The following LRP1B variants were observed in gnomAD, a reference collection of about 807,000 sequenced individuals.
LRP1B encodes the protein low-density lipoprotein receptor-related protein 1B.
LRP1B carries 217 observed loss-of-function variants against 556.6 expected under a neutral mutation model. That is an observed-to-expected ratio of 0.39 (90% CI 0.35 to 0.44). The LOEUF is 0.44. Among genes scored for constraint, LRP1B ranks in the 20% least tolerant of loss-of-function variants. The pLI is 1.00. For synonymous variants in LRP1B, 2,047 were observed against 1,865.8 expected (o/e 1.10, Z -2.50); for missense variants, 5,053 against 5,620.8 (o/e 0.90, Z 3.23).
chr2:141,634,758 A>G (rs1019552160), intron 2 of LRP1B, among the ~76,000 whole-genome samples: 1 of 151,988 alleles, frequency 6.6e-6, no homozygotes, highest in African/African-American at 2.4e-5. Context: ...TTTTTAGACT[A>G]TTGACAGGAT....
intron 37 of LRP1B, among the ~76,000 whole-genome samples, chr2:140,709,429 G>A (rs1156951504): frequency 6.6e-6 from 1 of 150,744 alleles, no homozygotes; most frequent in Non-Finnish European, 1.5e-5. Flanking sequence ...CGGAAGAGGA[G>A]GAGGGGGAGG....
chr2:141,485,756 A>C (rs1439007387), intron 2 of LRP1B, among the ~76,000 whole-genome samples: 1 of 152,168 alleles, frequency 6.6e-6, no homozygotes, highest in Non-Finnish European at 1.5e-5. Context: ...CCAGGGTGAG[A>C]AGCATGGGAT....
At chr2:140,766,054 C>T (rs1264703293) in intron 35 of LRP1B, among the ~76,000 whole-genome samples, 1 of 151,870 alleles carries the variant, frequency 6.6e-6, no homozygotes, top group Non-Finnish European at 1.5e-5. Flanking sequence ...CAACTGTGCC[C>T]TTCCATTTGG....
chr2:141,175,370 C>T (rs1680689943), intron 7 of LRP1B, among the ~76,000 whole-genome samples: 1 of 152,064 alleles, frequency 6.6e-6, no homozygotes, highest in Non-Finnish European at 1.5e-5. Flanking sequence ...GTGGTTCCAC[C>T]CAGAGCCCTG....
chr2:140,890,524 G>A (rs899915556), intron 23 of LRP1B, among the ~76,000 whole-genome samples: 1 of 151,964 alleles, frequency 6.6e-6, no homozygotes, highest in African/African-American at 2.4e-5. Flanking sequence ...TTTATGTTGA[G>A]AAAACATTTG....
At chr2:140,600,314 G>C (rs878874475) in intron 42 of LRP1B, among the ~76,000 whole-genome samples, 1 of 152,042 alleles carries the variant, frequency 6.6e-6, no homozygotes, top group Admixed American at 6.6e-5. Flanking sequence ...TATTCTCATA[G>C]GACAGTGGTG....
chr2:140,629,248 G>C (rs909526387), intron 41 of LRP1B, among the ~76,000 whole-genome samples: 1 of 123,362 alleles, frequency 8.1e-6, no homozygotes, highest in Non-Finnish European at 1.7e-5. Context: ...TTGTATTTTT[G>C]GTAAACATGG....
At chr2:140,372,924 C>T (rs1683056286) in intron 69 of LRP1B, 84 bp downstream of exon 69, 1 of 1,432,838 alleles carries the variant, frequency 7.0e-7, no homozygotes, top group South Asian at 1.2e-5. Flanking sequence ...ATATTTGCCA[C>T]TGTTTTCTGC....
chr2:141,369,103 T>C (rs1013041389), intron 3 of LRP1B, among the ~76,000 whole-genome samples: 1 of 151,984 alleles, frequency 6.6e-6, no homozygotes, highest in Non-Finnish European at 1.5e-5. Context: ...AAGCATAAAC[T>C]AAAATAAACA....
chr2:140,816,207 T>G (rs1691118327), intron 31 of LRP1B, among the ~76,000 whole-genome samples: 1 of 151,874 alleles, frequency 6.6e-6, no homozygotes, highest in African/African-American at 2.4e-5. Flanking sequence ...AACCTCCACC[T>G]CCTGTGTTCA....
intron 6 of LRP1B, among the ~76,000 whole-genome samples, chr2:141,207,052 A>G (rs1180319966): frequency 6.6e-6 from 1 of 152,158 alleles, no homozygotes; most frequent in Non-Finnish European, 1.5e-5. Context: ...TGGGTTCTTG[A>G]TTTAAGCACA....
chr2:141,685,453 A>G (rs938804333), intron 2 of LRP1B, among the ~76,000 whole-genome samples: 2 of 152,110 alleles, frequency 1.3e-5, no homozygotes, highest in Non-Finnish European at 2.9e-5. Context: ...CTTGGAGGCC[A>G]GAGGGTGGAC....
At chr2:140,341,684 G>T (rs77118185) in intron 77 of LRP1B, among the ~76,000 whole-genome samples, 2 of 151,342 alleles carry the variant, frequency 1.3e-5, no homozygotes, top group African/African-American at 4.8e-5. Context: ...GGAACAAAAC[G>T]TTGTGTCTGG....
intron 83 of LRP1B, among the ~76,000 whole-genome samples, chr2:140,304,754 G>C (rs889962105): frequency 3.9e-5 from 6 of 152,140 alleles, no homozygotes; most frequent in African/African-American, 1.2e-4. Flanking sequence ...GAATGGTATT[G>C]CCTAGGTTTT....
chr2:141,810,181 GAAAGA>G, intron 2 of LRP1B, 93 bp downstream of exon 2: 17 of 953,702 alleles, frequency 1.8e-5, no homozygotes, highest in South Asian at 1.5e-4. Context: ...AAGAAAGAAA[GAAAGA>G]ATCATCTAGA....
chr2:141,000,995 T>A (rs963251871), intron 15 of LRP1B, among the ~76,000 whole-genome samples: 1 of 152,006 alleles, frequency 6.6e-6, no homozygotes. Flanking sequence ...ATAGGAAATA[T>A]AATTTGAAGG....
chr2:140,350,709 T>C, intron 77 of LRP1B, 88 bp downstream of exon 77: 1 of 1,123,142 alleles, frequency 8.9e-7, no homozygotes, highest in Non-Finnish European at 1.3e-6. Context: ...TTACTTAGTA[T>C]AATTAGATAT....
intron 1 of LRP1B, among the ~76,000 whole-genome samples, chr2:141,895,397 A>C (rs2381167): frequency 0.23 from 35,500 of 152,134 alleles, 5,008 homozygotes; most frequent in East Asian, 0.37. Context: ...TTGGGATAGA[A>C]AGAAAATACA....
chr2:140,703,706 C>T (rs554212058), intron 37 of LRP1B, among the ~76,000 whole-genome samples: 100 of 152,196 alleles, frequency 6.6e-4, no homozygotes, highest in African/African-American at 2.1e-3. Context: ...GTCTCTTGTT[C>T]CCATGTTCAT....
Sources: gnomAD v4.1 joint callset for allele counts (sites outside exome capture counted in the v4.1 genomes callset) on GRCh38, gnomAD v4.1.1 for gene constraint, MANE v1.5 for transcripts, NCBI Gene and HGNC (gene_info 2026-07-23, HGNC 2026-07-21) for gene names.